DSCAM: variants seen among roughly 807,000 people sequenced by gnomAD.
DSCAM encodes cell adhesion molecule DSCAM.
DSCAM carries 47 observed loss-of-function variants against 217.7 expected under a neutral mutation model. That is an observed-to-expected ratio of 0.22 (90% CI 0.17 to 0.28). DSCAM has a LOEUF of 0.28. DSCAM is among the 10% of genes least tolerant of loss of function. The pLI is 1.00. For synonymous variants in DSCAM, 1,056 were observed against 1,015.3 expected (o/e 1.04, Z -0.76); for missense variants, 2,080 against 2,618.3 (o/e 0.79, Z 4.49).
rs575975439 is a variant in DSCAM at position 40,250,978 on chromosome 21, C to T, written c.2356+25119G>A. Among the ~76,000 whole-genome samples the T allele has an allele frequency of 6.6e-5, 10 of 152,356 alleles. No homozygotes were observed. The South Asian group carries it at 2.1e-3, about 32-fold the overall frequency. ...TAACACCACAGAGCATTTGCTCAAT[C>T]TCTATCACCTGATATCCTGAAAAGG... On this transcript the variant is annotated intron_variant, in intron 11 of 32. Transcript: ENST00000400454.
intron 3 of DSCAM, among the ~76,000 whole-genome samples, chr21:40,683,186 G>A (rs898145909): frequency 6.6e-6 from 1 of 152,178 alleles, no homozygotes; most frequent in African/African-American, 2.4e-5. Flanking sequence ...GGCGTCCAGA[G>A]CTGCCAAATA....
Position 40,452,237 on chromosome 21 carries a change from TACACAC to T in DSCAM, c.509-82998_509-82993del, listed in dbSNP as rs71186937. Among the ~76,000 whole-genome samples, 1,056 of 144,452 alleles carry T rather than the reference TACACAC, an allele frequency of 7.3e-3. 17 individuals are homozygous for T. Among genetic ancestry groups the T allele is most frequent in the African/African-American group, 0.025 (962 of 38,592 alleles). The allele number at this position is 144,452 out of a possible 152,430, so 94.8% of individuals were successfully genotyped here. On this transcript the variant is annotated intron_variant, in intron 3 of 32. Transcript: ENST00000400454. ...TATACATACTATGTATACACTATAT[TACACAC>T]ACACACACACACACACACACACACA...
At chr21:40,452,318 C>T (rs2075727185) in intron 3 of DSCAM, among the ~76,000 whole-genome samples, 1 of 151,398 alleles carries the variant, frequency 6.6e-6, no homozygotes, top group African/African-American at 2.4e-5. Context: ...ATCAATCTAA[C>T]TTGTGAAATA....
intron 11 of DSCAM, among the ~76,000 whole-genome samples, chr21:40,198,288 C>T (rs1364166051): frequency 3.3e-5 from 5 of 152,162 alleles, no homozygotes; most frequent in Non-Finnish European, 7.4e-5. Context: ...CTCTCTCCCT[C>T]TGTCATGATG....
chr21:40,416,953 T>G (rs904000117), intron 3 of DSCAM, among the ~76,000 whole-genome samples: 5 of 152,184 alleles, frequency 3.3e-5, no homozygotes, highest in African/African-American at 1.2e-4. Context: ...TAGCTATCAT[T>G]ACAGGTGAAA....
At chr21:40,560,741 G>A (rs1311102658) in intron 3 of DSCAM, among the ~76,000 whole-genome samples, 4 of 152,170 alleles carry the variant, frequency 2.6e-5, no homozygotes, top group Admixed American at 6.5e-5. Flanking sequence ...GTAGAGTACC[G>A]GTTGTTTGCC....
chr21:40,511,274 G>T (rs1283312130), intron 3 of DSCAM, among the ~76,000 whole-genome samples: 1 of 152,010 alleles, frequency 6.6e-6, no homozygotes, highest in African/African-American at 2.4e-5. Flanking sequence ...TTTTGCCACA[G>T]CCCTCAAGTT....
chr21:40,446,864 G>T (rs182108349), intron 3 of DSCAM, among the ~76,000 whole-genome samples: 1 of 152,332 alleles, frequency 6.6e-6, no homozygotes, highest in East Asian at 1.9e-4. Flanking sequence ...TCAAAGTCCT[G>T]TTGGGGAAAT....
intron 1 of DSCAM, among the ~76,000 whole-genome samples, chr21:40,782,453 C>T (rs112111081): frequency 1.3e-4 from 20 of 152,288 alleles, no homozygotes; most frequent in African/African-American, 4.6e-4. Context: ...CCTGGTTGGG[C>T]GCAGTGGCTC....
chr21:40,231,528 T>C lies in DSCAM; in HGVS notation c.2357-42290A>G, dbSNP rs566854307. 3.7e-4 allele frequency among the ~76,000 whole-genome samples: 57 copies of C among 152,028 alleles called. 1 individual carries two copies. Among genetic ancestry groups the C allele is most frequent in the Middle Eastern group, 6.8e-3 (2 of 294 alleles). On this transcript the variant is annotated intron_variant, in intron 11 of 32. Transcript: ENST00000400454. The stretch of plus-strand genomic sequence containing the variant: ...TTTTATTTCTTTTTTTTTTAGACAG[T>C]GTCTTGCTTTGTTGCTCAGGCTGGA...
chr21:40,811,500 A>C (rs2091838503), intron 1 of DSCAM, among the ~76,000 whole-genome samples: 1 of 152,294 alleles, frequency 6.6e-6, no homozygotes. Context: ...TGTTCTAAAG[A>C]GTTTTAACGT....
intron 9 of DSCAM, among the ~76,000 whole-genome samples, chr21:40,307,213 C>T (rs1337215826): frequency 6.7e-6 from 1 of 149,154 alleles, no homozygotes; most frequent in African/African-American, 2.5e-5. Context: ...CCAGAATCTA[C>T]AATGAACTCA....
intron 11 of DSCAM, among the ~76,000 whole-genome samples, chr21:40,267,304 T>G (rs934156215): frequency 6.6e-6 from 1 of 152,054 alleles, no homozygotes; most frequent in Admixed American, 6.5e-5. Context: ...TCTAAAGTAA[T>G]TATGAACAAT....
At chr21:40,511,123 T>C (rs181879695) in intron 3 of DSCAM, among the ~76,000 whole-genome samples, 1 of 152,368 alleles carries the variant, frequency 6.6e-6, no homozygotes, top group African/African-American at 2.4e-5. Flanking sequence ...AATAAAATTA[T>C]ATTCATTTGT....
chr21:40,507,545 CT>C (rs1251938625), intron 3 of DSCAM, among the ~76,000 whole-genome samples: 1 of 152,084 alleles, frequency 6.6e-6, no homozygotes, highest in Non-Finnish European at 1.5e-5. Context: ...AATCTCTGCA[CT>C]TTAGGAGGCT....
At chr21:40,080,475 T>C (rs2089439875) in intron 24 of DSCAM, 135 bp from the exon 25 acceptor site, 3 of 770,734 alleles carry the variant, frequency 3.9e-6, no homozygotes, top group African/African-American at 3.5e-5. Context: ...ACATTTTCGC[T>C]CTTTCTGATT....
intron 3 of DSCAM, among the ~76,000 whole-genome samples, chr21:40,597,504 T>G (rs1317122672): frequency 7.1e-5 from 6 of 84,576 alleles, no homozygotes; most frequent in Non-Finnish European, 8.1e-5. Flanking sequence ...AATAGGCTTT[T>G]TTTTTTTTTT....
intron 3 of DSCAM, among the ~76,000 whole-genome samples, chr21:40,691,859 C>A (rs1397182452): frequency 1.3e-5 from 2 of 152,150 alleles, no homozygotes; most frequent in Non-Finnish European, 2.9e-5. Flanking sequence ...GTACAGTAAC[C>A]AACCTCTCTA....
At chr21:40,536,126 G>A (rs76415774) in intron 3 of DSCAM, among the ~76,000 whole-genome samples, 18,815 of 152,056 alleles carry the variant, frequency 0.12, 2,127 homozygotes, top group African/African-American at 0.29. Flanking sequence ...CAGCAAATGT[G>A]CGAAAAACAA....
Sources: allele counts gnomAD v4.1 joint callset (sites outside exome capture counted in the v4.1 genomes callset), GRCh38; gene constraint gnomAD v4.1.1; transcripts MANE v1.5; gene names NCBI Gene and HGNC (gene_info 2026-07-23, HGNC 2026-07-21).